The following ZNF721 variants were observed in gnomAD, a reference collection of about 807,000 sequenced individuals.
The protein encoded by ZNF721 is zinc finger protein 721.
A neutral mutation model predicts 2.4 loss-of-function variants in ZNF721; 2 were observed. The observed-to-expected ratio is 0.82, with a 90% CI of 0.34 to 2.58. The LOEUF (loss-of-function observed/expected upper bound fraction) is 2.58. Among genes scored for constraint, ZNF721 ranks in the 30% most tolerant of loss-of-function variants. The pLI is 0.11. For missense variants in ZNF721, 1,187 were observed against 1,085.5 expected (o/e 1.09, Z -1.31); for synonymous variants, 398 against 381.8 (o/e 1.04, Z -0.50).
At chr4:485,053 T>C (rs1715860486) in intron 1 of ZNF721, among the ~76,000 whole-genome samples, 1 of 151,982 alleles carries the variant, frequency 6.6e-6, no homozygotes, top group South Asian at 2.1e-4. Flanking sequence ...TTAGGGAAAA[T>C]AGAAAAGAAC....
chr4:467,223 A>AAAC (rs1553866869), intron 2 of ZNF721, among the ~76,000 whole-genome samples: 27,181 of 151,226 alleles, frequency 0.18, 2,985 homozygotes, highest in Non-Finnish European at 0.23. Flanking sequence ...TCTCAAAAAA[A>AAAC]AAACAAACAA....
At chr4:491,703 T>C (rs949890466) in intron 1 of ZNF721, among the ~76,000 whole-genome samples, 3 of 152,176 alleles carry the variant, frequency 2.0e-5, no homozygotes, top group Admixed American at 1.3e-4. Context: ...TCAAAGACAA[T>C]TGGCTTCAGA....
rs1714337216 is a variant in ZNF721, at chr4:443,282, G to A, written c.1185C>T (p.Gly395=). 1 of 1,613,700 alleles carries A rather than the reference G, an allele frequency of 6.2e-7. No individual in the cohort carries two copies. Among genetic ancestry groups the A allele is most frequent in the Admixed American group, 1.7e-5 (1 of 59,982 alleles). Residue 395 remains glycine, a synonymous_variant, in exon 3 of 3, where the codon GGC becomes GGT. Transcript: ENST00000511833. The stretch of plus-strand genomic sequence containing the variant: ...GGTTTGTTGAACTATTAAAGGCTTT[G>A]CCACACTCTTCACATTTGTAAGGTT... The part of the protein sequence containing the change: ...GEKPYKCEEC[G]KAFNSSTNLT...
At position 442,239 on chromosome 4, in the gene ZNF721, T is replaced by C. The variant is rs1553863302; in HGVS notation, c.2228A>G (p.Tyr743Cys). Reference sequence around the variant, plus strand: ...TTTATCTCCAGTATGAATTTTCTTATATTCGTTCAGGTTTGTGGACCATCC... The same window carrying C: ...TTTATCTCCAGTATGAATTTTCTTACATTCGTTCAGGTTTGTGGACCATCC... ...SFGWSTNLNE[Y>C]KKIHTGDKLY... Residue 743 changes from tyrosine (Y) to cysteine (C), a missense_variant, in exon 3 of 3, where the codon TAT becomes TGT. Physicochemically the swap from Tyr to Cys is radical, Grantham distance 194. Coordinates refer to ENST00000511833, the MANE Select transcript of ZNF721 (RefSeq NM_133474.4). 4 of 1,613,256 alleles carry C rather than the reference T, an allele frequency of 2.5e-6. No homozygotes were observed. Among genetic ancestry groups the C allele is most frequent in the African/African-American group, 1.3e-5 (1 of 74,942 alleles).
rs781904164 is a variant in ZNF721, at chr4:443,893, C to A, written c.574G>T (p.Ala192Ser). 4 of 1,613,850 alleles carry A rather than the reference C, an allele frequency of 2.5e-6. No individual in the cohort carries two copies. In the Admixed American group the frequency reaches 6.7e-5, roughly 27 times the overall value. The change falls in exon 3 of 3, where the codon GCT (alanine) becomes TCT (serine). Residue 192 changes from alanine (A) to serine (S), a missense_variant. Coordinates refer to ENST00000511833, the MANE Select transcript of ZNF721 (RefSeq NM_133474.4). ...CTGTCACGATCTTCACCTGTGTAAG[C>A]TTTCTCTCTGTTGTGAATTCTCTTA... ...AHKRIHNREK[A>S]YTGEDRDRAF...
chr4:443,118 C>A lies in ZNF721; in HGVS notation c.1349G>T (p.Cys450Phe). ...CAAGGAATGTATAAAGGCTTTCCCACATTCTTTACATTTGTAGGGTTTATC... is the reference window on the plus strand; with the variant it reads ...CAAGGAATGTATAAAGGCTTTCCCAAATTCTTTACATTTGTAGGGTTTATC... ...TGDKPYKCKECGKAFIHSLHL... is the reference protein window; with the variant it reads ...TGDKPYKCKEFGKAFIHSLHL... The change falls in exon 3 of 3, where the codon TGT (cysteine) becomes TTT (phenylalanine). Residue 450 changes from cysteine (C) to phenylalanine (F), a missense_variant. Coordinates refer to ENST00000511833, the MANE Select transcript of ZNF721 (RefSeq NM_133474.4). The A allele has an allele frequency of 6.2e-7, 1 of 1,613,922 alleles. No homozygotes were observed. Among genetic ancestry groups the A allele is most frequent in the African/African-American group, 1.3e-5 (1 of 75,038 alleles).
At chr4:472,848 G>T in intron 1 of ZNF721, 147 bp from the exon 2 acceptor site, 2 of 1,152,560 alleles carry the variant, frequency 1.7e-6, no homozygotes, top group Non-Finnish European at 2.4e-6. Context: ...GTATTCTATA[G>T]CTCTGCGGAA....
In ZNF721 at chr4:442,940, C is replaced by T. The variant is rs375042838; in HGVS notation, c.1527G>A (p.Ala509=). 8.3e-5 allele frequency: 134 copies of T among 1,612,036 alleles called. No homozygotes were observed. The highest frequency in any genetic ancestry group is 1.7e-4 in the Middle Eastern group (1 of 6,060). Residue 509 remains alanine, a synonymous_variant, in exon 3 of 3, where the codon GCG becomes GCA. Transcript: ENST00000511833. ...TAGTAAGGGTTGTGGAACTAGTAAACGCTTTACCACATTCTAAACATTCAA... is the reference window on the plus strand; with the variant it reads ...TAGTAAGGGTTGTGGAACTAGTAAATGCTTTACCACATTCTAAACATTCAA... ...KPFECLECGK[A]FTSSTTLTKH... is the part of the protein sequence containing the mutation.
At chr4:477,108 C>A (rs1715643560) in intron 1 of ZNF721, among the ~76,000 whole-genome samples, 1 of 152,108 alleles carries the variant, frequency 6.6e-6, no homozygotes, top group South Asian at 2.1e-4. Flanking sequence ...AGTGGTCCTG[C>A]AACAGGAATA....
At chr4:476,767 T>C (rs1333402998) in intron 1 of ZNF721, among the ~76,000 whole-genome samples, 2 of 152,190 alleles carry the variant, frequency 1.3e-5, no homozygotes, top group African/African-American at 2.4e-5. Flanking sequence ...AATTTGATTC[T>C]CTCATGGTTG....
At chr4:460,674 A>C (rs1395395724) in intron 2 of ZNF721, among the ~76,000 whole-genome samples, 4 of 151,952 alleles carry the variant, frequency 2.6e-5, no homozygotes, top group Non-Finnish European at 5.9e-5. Flanking sequence ...GTTTTTTGAA[A>C]AGATCAACAA....
chr4:455,335 A>C (rs1292132879), intron 2 of ZNF721, among the ~76,000 whole-genome samples: 1 of 152,174 alleles, frequency 6.6e-6, no homozygotes, highest in African/African-American at 2.4e-5. Flanking sequence ...TGGGAGGCCG[A>C]GGCGGGCGGA....
At chr4:447,321 C>T (rs1714509308) in intron 2 of ZNF721, among the ~76,000 whole-genome samples, 1 of 151,404 alleles carries the variant, frequency 6.6e-6, no homozygotes, top group African/African-American at 2.4e-5. Flanking sequence ...GACTCCGTCT[C>T]AAAATAAATA....
chr4:480,524 CTAAA>C (rs1356869451), intron 1 of ZNF721, among the ~76,000 whole-genome samples: 1 of 151,996 alleles, frequency 6.6e-6, no homozygotes, highest in East Asian at 1.9e-4. Context: ...AAAGCTGAAA[CTAAA>C]TACCCCTGAA....
At chr4:484,624 G>C (rs1217843056) in intron 1 of ZNF721, among the ~76,000 whole-genome samples, 1 of 152,246 alleles carries the variant, frequency 6.6e-6, no homozygotes, top group Non-Finnish European at 1.5e-5. Flanking sequence ...AGATGAAATA[G>C]ACTCCAGTCT....
intron 2 of ZNF721, among the ~76,000 whole-genome samples, chr4:471,309 T>A (rs1176252670): frequency 6.6e-6 from 1 of 152,182 alleles, no homozygotes; most frequent in African/African-American, 2.4e-5. Context: ...CCCATGTTCA[T>A]TGTAGTATTT....
intron 1 of ZNF721, among the ~76,000 whole-genome samples, chr4:492,428 G>A (rs1161283317): frequency 6.6e-6 from 1 of 152,030 alleles, no homozygotes; most frequent in Non-Finnish European, 1.5e-5. Context: ...AATAAAAGCT[G>A]AACTTCAGGT....
At chr4:478,989 C>A (rs1305300466) in intron 1 of ZNF721, among the ~76,000 whole-genome samples, 2 of 152,070 alleles carry the variant, frequency 1.3e-5, no homozygotes, top group South Asian at 2.1e-4. Flanking sequence ...CCAGGCTGGT[C>A]CCAAACTCCT....
At chr4:469,273 A>T (rs1715354248) in intron 2 of ZNF721, among the ~76,000 whole-genome samples, 1 of 151,738 alleles carries the variant, frequency 6.6e-6, no homozygotes, top group Non-Finnish European at 1.5e-5. Context: ...TAAAGTAACA[A>T]CAAAATTTCC....
Sources: gnomAD v4.1 joint callset for allele counts (sites outside exome capture counted in the v4.1 genomes callset) on GRCh38, gnomAD v4.1.1 for gene constraint, MANE v1.5 for transcripts, NCBI Gene and HGNC (gene_info 2026-07-23, HGNC 2026-07-21) for gene names.